TEX36: variants seen among roughly 807,000 people sequenced by gnomAD.
TEX36 encodes testis expressed 36.
A neutral mutation model predicts 13.6 loss-of-function variants in TEX36; 12 were observed. The ratio of observed to expected loss-of-function variants is 0.88; its 90% CI spans 0.56 to 1.43. The LOEUF (loss-of-function observed/expected upper bound fraction) is 1.43, where lower values mean the gene tolerates loss of function less well. Among genes scored for constraint, TEX36 ranks in the 40% most tolerant of loss-of-function variants. The probability of loss-of-function intolerance (pLI) is 0.00; values close to 1 mark genes in which losing one functional copy is unlikely to be tolerated. For missense variants in TEX36, 224 were observed against 228.3 expected, an observed-to-expected ratio of 0.98 and a Z score of 0.12; for synonymous variants, 93 against 83.0, an observed-to-expected ratio of 1.12 and a Z score of -0.65.
At chr10:125,613,751 G>A (rs1301213541) in intron 3 of TEX36, among the ~76,000 whole-genome samples, 2 of 152,106 alleles carry the variant, frequency 1.3e-5, no homozygotes, top group Non-Finnish European at 2.9e-5. Flanking sequence ...ACGTGTGCAT[G>A]TGTCTTTATA....
In TEX36 at chr10:125,661,957, C is replaced by T. The variant is rs1171148910; in HGVS notation, c.72G>A (p.Thr24=). 4 of 1,552,340 alleles carry T rather than the reference C, an allele frequency of 2.6e-6. No individual in the cohort carries two copies. The highest frequency in any genetic ancestry group is 3.5e-6 in the Non-Finnish European group (4 of 1,147,138). ...DGRWFPHIGL[T]QKTPESITSA... is the part of the protein sequence containing the mutation. ...TGGTGATGGATTCTGGTGTCTTTTGCGTTAGCCCGATGTGAGGGAACTGGA... is the reference window on the plus strand; with the variant it reads ...TGGTGATGGATTCTGGTGTCTTTTGTGTTAGCCCGATGTGAGGGAACTGGA... Residue 24 remains threonine, a synonymous_variant, in exon 2 of 4, where the codon ACG becomes ACA. Coordinates refer to ENST00000368821, the MANE Select transcript of TEX36 (RefSeq NM_001128202.3).
chr10:125,603,782 A>G (rs1011135980), intron 3 of TEX36, among the ~76,000 whole-genome samples: 2 of 150,436 alleles, frequency 1.3e-5, no homozygotes, highest in Non-Finnish European at 1.5e-5. Flanking sequence ...TCCCCACCCA[A>G]CTCCTGCAGT....
At chr10:125,667,704 T>A in intron 1 of TEX36, 1 of 744,126 alleles carries the variant, frequency 1.3e-6, no homozygotes, top group Non-Finnish European at 2.4e-6. Flanking sequence ...TGGTAGAGTG[T>A]CTGGTGGAAG....
At chr10:125,633,582 GTCCC>G (rs1195550744) in intron 3 of TEX36, among the ~76,000 whole-genome samples, 1 of 152,160 alleles carries the variant, frequency 6.6e-6, no homozygotes, top group Non-Finnish European at 1.5e-5. Context: ...TGCACTTCCA[GTCCC>G]TCCCCATAAG....
At position 125,667,443 on chromosome 10, in the gene TEX36, C is replaced by T. The variant is rs543213011; in HGVS notation, c.52-5466G>A. Reference sequence around the variant, plus strand: ...CAGATGCTGGCATGACAGGCCAGGACGTTGGTATTTTCCATGACGGCAAGG... The same window carrying T: ...CAGATGCTGGCATGACAGGCCAGGATGTTGGTATTTTCCATGACGGCAAGG... On this transcript the variant is annotated intron_variant, in intron 1 of 3. Transcript: ENST00000368821. 2.3e-5 allele frequency: 16 copies of T among 697,178 alleles called. No individual in the cohort carries two copies. The Middle Eastern group carries it at 1.0e-3, about 44-fold the overall frequency. The allele number at this position is 697,178 out of a possible 1,614,324, so 43.2% of individuals were successfully genotyped here.
downstream of TEX36, among the ~76,000 whole-genome samples, chr10:125,620,709 C>T (rs1279129492): frequency 2.0e-5 from 3 of 152,156 alleles, no homozygotes; most frequent in Non-Finnish European, 2.9e-5. Flanking sequence ...ATTTACATTG[C>T]TATGCAACCC....
In TEX36 at chr10:125,603,777, A is replaced by T. The variant is rs148129965; in HGVS notation, c.265-26903T>A. On this transcript the variant is annotated intron_variant, in intron 3 of 3. Transcript: ENST00000532135. ...ATCAGAGCCACAACCTCCCCTCCCCACCCAACTCCTGCAGTCTGAGATGAT... is the reference window on the plus strand; with the variant it reads ...ATCAGAGCCACAACCTCCCCTCCCCTCCCAACTCCTGCAGTCTGAGATGAT... Among the ~76,000 whole-genome samples the T allele has an allele frequency of 1.8e-4, 28 of 151,640 alleles. No homozygotes were observed. In the East Asian group the frequency reaches 5.3e-3, roughly 28 times the overall value.
chr10:125,681,336 T>C (rs1847389065), intron 1 of TEX36, among the ~76,000 whole-genome samples: 1 of 152,252 alleles, frequency 6.6e-6, no homozygotes, highest in African/African-American at 2.4e-5. Context: ...TAAGACACTG[T>C]AGTCACTTTA....
At chr10:125,638,794 G>A (rs772024817) in intron 3 of TEX36, among the ~76,000 whole-genome samples, 15 of 152,200 alleles carry the variant, frequency 9.9e-5, no homozygotes, top group Non-Finnish European at 2.2e-4. Flanking sequence ...CCGTGTGCAG[G>A]TCACTGCACT....
At chr10:125,633,765 A>G (rs982338230) in intron 3 of TEX36, among the ~76,000 whole-genome samples, 3 of 152,214 alleles carry the variant, frequency 2.0e-5, no homozygotes, top group Admixed American at 6.5e-5. Context: ...TCTAAGCCCC[A>G]TCGACATCAG....
At chr10:125,628,774 T>G (rs757817033) in intron 3 of TEX36, among the ~76,000 whole-genome samples, 13 of 152,244 alleles carry the variant, frequency 8.5e-5, no homozygotes, top group African/African-American at 1.2e-4. Flanking sequence ...AGTAGTTAAC[T>G]GTCTAGGGAG....
At chr10:125,639,326 C>T (rs1846655645) in intron 3 of TEX36, among the ~76,000 whole-genome samples, 1 of 152,180 alleles carries the variant, frequency 6.6e-6, no homozygotes, top group Non-Finnish European at 1.5e-5. Flanking sequence ...GCATCCCTAG[C>T]TCCAAATCTC....
intron 3 of TEX36, among the ~76,000 whole-genome samples, chr10:125,595,100 G>C (rs912926222): frequency 6.6e-6 from 1 of 152,164 alleles, no homozygotes; most frequent in East Asian, 1.9e-4. Flanking sequence ...GAAAATGTAA[G>C]TGAAAATGAA....
intron 1 of TEX36, among the ~76,000 whole-genome samples, chr10:125,668,184 A>G (rs139700984): frequency 6.6e-6 from 1 of 152,260 alleles, no homozygotes; most frequent in Non-Finnish European, 1.5e-5. Flanking sequence ...GCCTCATAGA[A>G]TGAATTAGGG....
chr10:125,635,584 G>A (rs1478469346), intron 3 of TEX36, among the ~76,000 whole-genome samples: 1 of 152,162 alleles, frequency 6.6e-6, no homozygotes, highest in Non-Finnish European at 1.5e-5. Flanking sequence ...GCTGGGGTGC[G>A]AAGGTACAGC....
At chr10:125,635,822 G>A (rs1008623084) in intron 3 of TEX36, among the ~76,000 whole-genome samples, 5 of 151,926 alleles carry the variant, frequency 3.3e-5, no homozygotes, top group Admixed American at 2.0e-4. Flanking sequence ...AGCCATCCAC[G>A]GCTCTTTCAA....
At chr10:125,576,845 T>G in exon 4 of TEX36, 1 of 1,536,138 alleles carries the variant, frequency 6.5e-7, no homozygotes, top group South Asian at 1.2e-5. Flanking sequence ...TGTCTGGTTC[T>G]CCCTGTGGGT....
chr10:125,586,386 G>T (rs1460230166), intron 3 of TEX36, among the ~76,000 whole-genome samples: 2 of 152,042 alleles, frequency 1.3e-5, no homozygotes, highest in African/African-American at 4.8e-5. Flanking sequence ...TTCAGGTCTT[G>T]TACATTTCTT....
chr10:125,584,829 C>T (rs925842565), intron 3 of TEX36, among the ~76,000 whole-genome samples: 5 of 152,176 alleles, frequency 3.3e-5, no homozygotes, highest in Non-Finnish European at 7.3e-5. Flanking sequence ...ATTTCTGTCA[C>T]GTAGTTCATC....
Sources: allele counts gnomAD v4.1 joint callset (sites outside exome capture counted in the v4.1 genomes callset), GRCh38; gene constraint gnomAD v4.1.1; transcripts MANE v1.5; gene names NCBI Gene and HGNC (gene_info 2026-07-23, HGNC 2026-07-21).